The following LDHC variants were observed in gnomAD, a reference collection of about 807,000 sequenced individuals.
The protein encoded by LDHC is L-lactate dehydrogenase C chain.
A neutral mutation model predicts 30.2 loss-of-function variants in LDHC; 20 were observed. That is an observed-to-expected ratio of 0.66 (90% CI 0.47 to 0.96). The LOEUF (loss-of-function observed/expected upper bound fraction) is 0.96, where lower values mean the gene tolerates loss of function less well. Among genes scored for constraint, LDHC ranks in the 40% least tolerant of loss-of-function variants. The pLI, the probability that LDHC is intolerant of heterozygous loss-of-function variation, is 0.00. For synonymous variants in LDHC, 139 were observed against 132.7 expected (o/e 1.05, Z -0.32); for missense variants, 362 against 394.9 (o/e 0.92, Z 0.71).
At position 18,451,112 on chromosome 11, in the gene LDHC, G is replaced by A; in HGVS notation, c.984G>A (p.Lys328=). ...CAGAAACACTTTGGAATATTCAAAA[G>A]GATCTAATATTTTAAATTAAAGCCT... ...KSAETLWNIQ[K]DLIF The change falls in exon 8 of 8, where the codon AAG becomes AAA. Residue 328 remains lysine (K), a synonymous_variant. Transcript: ENST00000541669. 1 of 1,528,466 alleles carries A rather than the reference G, an allele frequency of 6.5e-7. No individual in the cohort carries two copies. Among genetic ancestry groups the A allele is most frequent in the Non-Finnish European group, 8.7e-7 (1 of 1,146,658 alleles). The allele number at this position is 1,528,466 out of a possible 1,614,324, so 94.7% of individuals were successfully genotyped here. A position where few individuals can be genotyped will look rare whatever the true frequency, so the allele number is the denominator to read the frequency against.
At chr11:18,419,636 A>G (rs1049377933) in intron 3 of LDHC, among the ~76,000 whole-genome samples, 3 of 152,230 alleles carry the variant, frequency 2.0e-5, no homozygotes, top group Non-Finnish European at 4.4e-5. Flanking sequence ...AACCAGCATA[A>G]CAGAAACATG....
chr11:18,440,873 C>G (rs147377952), intron 6 of LDHC, among the ~76,000 whole-genome samples: 12 of 151,466 alleles, frequency 7.9e-5, no homozygotes, highest in African/African-American at 2.2e-4. Flanking sequence ...AGGCTCAACT[C>G]AAACTCGCAG....
chr11:18,439,824 A>C (rs193023053), intron 6 of LDHC, among the ~76,000 whole-genome samples: 2,589 of 142,304 alleles, frequency 0.018, 43 homozygotes, highest in Non-Finnish European at 0.028. Context: ...AAAAAAAAAA[A>C]AAAAAAAAAA....
intron 6 of LDHC, among the ~76,000 whole-genome samples, chr11:18,444,260 T>C (rs1848512722): frequency 6.6e-6 from 1 of 152,144 alleles, no homozygotes. Flanking sequence ...TTTTTAGCTA[T>C]TCTCAACTTT....
chr11:18,415,165 G>C lies in LDHC; in HGVS notation c.127-19G>C. On this transcript the variant is annotated intron_variant, in intron 2 of 7. Coordinates refer to ENST00000541669, the MANE Select transcript of LDHC (RefSeq NM_017448.5). ...AACTTAAGTAGGAACATTTTATTCA[G>C]AACTTTTGTATATTTTAGGATTTGG... The C allele has an allele frequency of 7.1e-7, 1 of 1,404,570 alleles. No individual in the cohort carries two copies. Among genetic ancestry groups the C allele is most frequent in the Non-Finnish European group, 1.0e-6 (1 of 1,002,740 alleles). The allele number at this position is 1,404,570 out of a possible 1,614,324, so 87.0% of individuals were successfully genotyped here. A position where few individuals can be genotyped will look rare whatever the true frequency, so the allele number is the denominator to read the frequency against.
intron 7 of LDHC, among the ~76,000 whole-genome samples, chr11:18,449,397 AGC>A (rs1317410734): frequency 1.6e-5 from 2 of 128,710 alleles, no homozygotes; most frequent in African/African-American, 5.7e-5. Context: ...ACTGCACTCC[AGC>A]CTGGGTGACA....
intron 3 of LDHC, among the ~76,000 whole-genome samples, chr11:18,419,178 A>G (rs1867075231): frequency 6.6e-6 from 1 of 152,184 alleles, no homozygotes; most frequent in South Asian, 2.1e-4. Context: ...TGTAGTTCCT[A>G]TTATACCTAC....
At chr11:18,445,736 T>C (rs73440615) in intron 6 of LDHC, among the ~76,000 whole-genome samples, 23,302 of 152,104 alleles carry the variant, frequency 0.15, 2,012 homozygotes, top group African/African-American at 0.23. Context: ...TCCAGGAAAC[T>C]GAGGCGAGCA....
intron 3 of LDHC, among the ~76,000 whole-genome samples, chr11:18,426,282 T>C (rs1848161069): frequency 6.6e-6 from 1 of 152,120 alleles, no homozygotes; most frequent in Non-Finnish European, 1.5e-5. Context: ...ATCCCAGCAC[T>C]TTGGGAGCCC....
At chr11:18,421,614 A>G (rs1343004228) in intron 3 of LDHC, among the ~76,000 whole-genome samples, 1 of 151,968 alleles carries the variant, frequency 6.6e-6, no homozygotes, top group Non-Finnish European at 1.5e-5. Context: ...CGGAGGTGGC[A>G]GTGAGCAGAG....
chr11:18,414,931 A>C (rs1866979631), intron 2 of LDHC, among the ~76,000 whole-genome samples: 1 of 152,198 alleles, frequency 6.6e-6, no homozygotes, highest in Non-Finnish European at 1.5e-5. Context: ...AATGGCAAAA[A>C]AAAACAAAAA....
At position 18,451,947 on chromosome 11, in the gene LDHC, G is replaced by C. The variant is rs1380692661; in HGVS notation, c.*820G>C. ...AGACTCAGACTCAAAAGAAGAAGAA[G>C]AACACAGAAGAAAAGCAGAAACAAG... On this transcript the variant is annotated 3_prime_UTR_variant, in exon 8 of 8. Coordinates refer to ENST00000541669, the MANE Select transcript of LDHC (RefSeq NM_017448.5). 1 of 149,248 alleles carries C rather than the reference G, an allele frequency of 6.7e-6. No individual in the cohort carries two copies. The highest frequency in any genetic ancestry group is 2.5e-5 in the African/African-American group (1 of 39,350). The allele number at this position is 149,248 out of a possible 1,614,324, so 9.2% of individuals were successfully genotyped here. A position where few individuals can be genotyped will look rare whatever the true frequency, so the allele number is the denominator to read the frequency against.
At position 18,415,183 on chromosome 11, in the gene LDHC, G is replaced by A; in HGVS notation, c.127-1G>A. ...TTATTCAGAACTTTTGTATATTTTA[G>A]GATTTGGCTGATGAACTTGCCCTTG... is the stretch of plus-strand genomic sequence containing the variant. On this transcript the variant is annotated splice_acceptor_variant, in intron 2 of 7. Coordinates refer to ENST00000541669, the MANE Select transcript of LDHC (RefSeq NM_017448.5). LOFTEE classifies it high-confidence loss of function. The A allele has an allele frequency of 3.2e-6, 5 of 1,561,728 alleles. No homozygotes were observed. Among genetic ancestry groups the A allele is most frequent in the Non-Finnish European group, 4.4e-6 (5 of 1,138,608 alleles).
rs573083696 is a variant in LDHC, at chr11:18,446,320, C to A, written c.821C>A (p.Ser274Tyr). 5 of 1,605,566 alleles carry A rather than the reference C, an allele frequency of 3.1e-6. No individual in the cohort carries two copies. The highest frequency in any genetic ancestry group is 1.7e-5 in the Admixed American group (1 of 59,938). ...AATCTTAGGAGAGTGCACCCAGTTT[C>A]CACCATGGTTAAGGTAGGCTTAAAT... ...LKNLRRVHPVSTMVKGLYGIK... is the reference protein window; with the variant it reads ...LKNLRRVHPVYTMVKGLYGIK... The change falls in exon 7 of 8, where the codon TCC becomes TAC. Residue 274 changes from serine (S) to tyrosine (Y), a missense_variant. By Grantham distance (144) the Ser-to-Tyr change is moderately radical. Transcript: ENST00000541669.
chr11:18,438,125 G>T (rs543074369), intron 5 of LDHC, among the ~76,000 whole-genome samples: 2 of 152,182 alleles, frequency 1.3e-5, no homozygotes, highest in Non-Finnish European at 2.9e-5. Context: ...TTGTGCTTCT[G>T]CAGGTTGTAC....
At chr11:18,441,460 C>CA (rs1224510305) in intron 6 of LDHC, among the ~76,000 whole-genome samples, 3 of 151,918 alleles carry the variant, frequency 2.0e-5, no homozygotes, top group Non-Finnish European at 4.4e-5. Flanking sequence ...AAGCACGCGC[C>CA]ACCATGCTCA....
intron 3 of LDHC, among the ~76,000 whole-genome samples, chr11:18,420,108 A>G (rs1267747232): frequency 6.6e-6 from 1 of 151,628 alleles, no homozygotes; most frequent in East Asian, 1.9e-4. Context: ...AACAACAACA[A>G]CAACAACAAC....
chr11:18,448,745 A>T (rs1590238000), intron 7 of LDHC, among the ~76,000 whole-genome samples: 1 of 147,790 alleles, frequency 6.8e-6, no homozygotes. Flanking sequence ...TATTAATTGG[A>T]TTTTTTTTTT....
At chr11:18,440,474 G>C (rs566939956) in intron 6 of LDHC, among the ~76,000 whole-genome samples, 3 of 151,964 alleles carry the variant, frequency 2.0e-5, no homozygotes, top group Admixed American at 6.6e-5. Flanking sequence ...TTTTATTTTT[G>C]GTTATAAAAA....
Sources: gnomAD v4.1 joint callset for allele counts (sites outside exome capture counted in the v4.1 genomes callset) on GRCh38, gnomAD v4.1.1 for gene constraint, MANE v1.5 for transcripts, NCBI Gene and HGNC (gene_info 2026-07-23, HGNC 2026-07-21) for gene names.